The following SHANK2 variants were observed in gnomAD, a reference collection of about 807,000 sequenced individuals.
The protein encoded by SHANK2 is SH3 and multiple ankyrin repeat domains 2, also known as SH3 and multiple ankyrin repeat domains protein 2.
SHANK2 carries 43 observed loss-of-function variants against 133.7 expected under a neutral mutation model. That is an observed-to-expected ratio of 0.32 (90% CI 0.25 to 0.41). The LOEUF is 0.41. Among genes scored for constraint, SHANK2 ranks in the 10% least tolerant of loss-of-function variants. The pLI, the probability that SHANK2 is intolerant of heterozygous loss-of-function variation, is 1.00. For synonymous variants in SHANK2, 1,017 were observed against 952.8 expected (o/e 1.07, Z -1.24); for missense variants, 1,994 against 2,235.8 (o/e 0.89, Z 2.18).
chr11:70,728,475 C>G (rs111922549), intron 14 of SHANK2, among the ~76,000 whole-genome samples: 1,880 of 152,314 alleles, frequency 0.012, 36 homozygotes, highest in African/African-American at 0.042. Flanking sequence ...CAGGAAGCGT[C>G]CTGGGCGGAA....
At position 71,127,256 on chromosome 11, in the gene SHANK2, C is replaced by T. The variant is rs112854424; in HGVS notation, c.208-8224G>A. On this transcript the variant is annotated intron_variant, in intron 3 of 25. Transcript: ENST00000601538. ...GGGATGAGCAGAGGAAGTGGTTTCC[C>T]GAGATGCAATCTACTCCTGGTGAAG... Among the ~76,000 whole-genome samples the T allele has an allele frequency of 1.7e-3, 265 of 152,220 alleles. 1 individual carries two copies. Among genetic ancestry groups the T allele is most frequent in the African/African-American group, 5.8e-3 (241 of 41,538 alleles).
chr11:70,856,374 T>C (rs1949172337), intron 11 of SHANK2, among the ~76,000 whole-genome samples: 2 of 149,956 alleles, frequency 1.3e-5, no homozygotes, highest in Non-Finnish European at 3.0e-5. Context: ...AGATGGATAA[T>C]TGACTGGAGG....
intron 3 of SHANK2, among the ~76,000 whole-genome samples, chr11:71,135,011 G>T (rs1952410023): frequency 6.6e-6 from 1 of 151,958 alleles, no homozygotes; most frequent in East Asian, 1.9e-4. Flanking sequence ...CCTATACCTG[G>T]ACGCCCACCG....
At chr11:70,551,733 A>C (rs2059771496) in intron 17 of SHANK2, among the ~76,000 whole-genome samples, 1 of 152,092 alleles carries the variant, frequency 6.6e-6, no homozygotes, top group African/African-American at 2.4e-5. Flanking sequence ...CCTATATCCC[A>C]CTTAGCCTCA....
chr11:71,222,003 C>G (rs565318173), intron 2 of SHANK2, among the ~76,000 whole-genome samples: 9 of 152,292 alleles, frequency 5.9e-5, no homozygotes, highest in African/African-American at 2.2e-4. Context: ...GGAGAAGCCG[C>G]TGGAGGGTGA....
intron 15 of SHANK2, among the ~76,000 whole-genome samples, chr11:70,667,502 G>A (rs1441084527): frequency 6.6e-6 from 1 of 152,186 alleles, no homozygotes; most frequent in Non-Finnish European, 1.5e-5. Context: ...TGCCTCGCAA[G>A]ACCACAGGTG....
intron 11 of SHANK2, among the ~76,000 whole-genome samples, chr11:70,875,855 C>CA (rs869042517): frequency 0.089 from 8,466 of 94,862 alleles, 485 homozygotes; most frequent in African/African-American, 0.19. Flanking sequence ...GACACTGTTT[C>CA]AAAAAAAAAA....
Position 70,882,058 on chromosome 11 carries a change from C to T in SHANK2, c.1174+14443G>A, listed in dbSNP as rs144199615. On this transcript the variant is annotated intron_variant, in intron 11 of 25. Coordinates refer to ENST00000601538, the MANE Select transcript of SHANK2 (RefSeq NM_012309.5). The surrounding 1 kb of genome is among the most constrained non-coding windows in gnomAD (Gnocchi z 4.2). ...AGGAAGGGAACCCTTGCTAGAGAGG[C>T]GGAAAACATCAGTGTGAATTCCCCA... Among the ~76,000 whole-genome samples, 15 of 152,118 alleles carry T rather than the reference C, an allele frequency of 9.9e-5. No homozygotes were observed. The East Asian group carries it at 1.2e-3, about 12-fold the overall frequency.
At chr11:71,098,451 G>T (rs1165692181) in intron 6 of SHANK2, among the ~76,000 whole-genome samples, 1 of 152,212 alleles carries the variant, frequency 6.6e-6, no homozygotes, top group Non-Finnish European at 1.5e-5. Flanking sequence ...TCCCTGAAGG[G>T]CTGGGTGGCC....
chr11:70,572,488 T>C (rs1326693330), intron 17 of SHANK2, among the ~76,000 whole-genome samples: 1 of 152,160 alleles, frequency 6.6e-6, no homozygotes, highest in Non-Finnish European at 1.5e-5. Flanking sequence ...CCCCTCCATC[T>C]AGGGTATTTT....
chr11:70,763,022 A>G (rs978913230), intron 14 of SHANK2, among the ~76,000 whole-genome samples: 4 of 152,212 alleles, frequency 2.6e-5, no homozygotes, highest in South Asian at 4.2e-4. Context: ...CCTCCCAGCC[A>G]CTCAACTCTT....
At chr11:70,478,745 T>C (rs149291404) in intron 25 of SHANK2, among the ~76,000 whole-genome samples, 54 of 152,058 alleles carry the variant, frequency 3.6e-4, no homozygotes, top group African/African-American at 1.3e-3. Flanking sequence ...GTCCTTGAGG[T>C]CTGGCCCAGA....
chr11:70,798,642 C>T (rs1348762009), intron 13 of SHANK2, 86 bp from the exon 14 acceptor site: 2 of 690,754 alleles, frequency 2.9e-6, no homozygotes, highest in African/African-American at 3.5e-5. Context: ...TGGGCAGAGG[C>T]AGGAGAATCA....
chr11:70,676,522 A>G (rs12288278), intron 15 of SHANK2, among the ~76,000 whole-genome samples: 6,132 of 152,288 alleles, frequency 0.04, 413 homozygotes, highest in African/African-American at 0.14. Context: ...GCCTTCAGAG[A>G]TGTCACTGCC....
chr11:70,811,054 AG>A (rs1418054735), intron 12 of SHANK2, among the ~76,000 whole-genome samples: 3 of 152,146 alleles, frequency 2.0e-5, no homozygotes, highest in Non-Finnish European at 4.4e-5. Flanking sequence ...GAGTGGCTGC[AG>A]GTCAGGTCAG....
intron 15 of SHANK2, among the ~76,000 whole-genome samples, chr11:70,667,085 G>A (rs1053042929): frequency 5.3e-5 from 8 of 152,006 alleles, no homozygotes; most frequent in African/African-American, 1.4e-4. Flanking sequence ...TGGCCATCAC[G>A]GCACAGGTAC....
chr11:71,062,248 A>G (rs1057228854), intron 9 of SHANK2, among the ~76,000 whole-genome samples: 3 of 152,026 alleles, frequency 2.0e-5, no homozygotes, highest in African/African-American at 4.8e-5. Context: ...GAGCCACTGC[A>G]CCCAGCCCAA....
At chr11:70,545,732 A>G (rs1334997349) in intron 17 of SHANK2, among the ~76,000 whole-genome samples, 1 of 152,178 alleles carries the variant, frequency 6.6e-6, no homozygotes, top group East Asian at 1.9e-4. Context: ...TTCAATTCTG[A>G]CAGTACCTCC....
At chr11:71,154,908 A>AGAG in intron 2 of SHANK2, among the ~76,000 whole-genome samples, 2 of 94,136 alleles carry the variant, frequency 2.1e-5, no homozygotes, top group African/African-American at 8.7e-5. Flanking sequence ...CCACACTCCC[A>AGAG]GAGGGATGGA....
Sources: allele counts gnomAD v4.1 joint callset (sites outside exome capture counted in the v4.1 genomes callset), GRCh38; gene constraint gnomAD v4.1.1; non-coding constraint Gnocchi (gnomAD v3.1); transcripts MANE v1.5; gene names NCBI Gene and HGNC (gene_info 2026-07-23, HGNC 2026-07-21).